CTDSPL2: variants seen among roughly 807,000 people sequenced by gnomAD.
CTDSPL2 encodes the protein CTD small phosphatase like 2.
A neutral mutation model predicts 60.0 loss-of-function variants in CTDSPL2; 5 were observed. The ratio of observed to expected loss-of-function variants is 0.08; its 90% CI spans 0.04 to 0.18. CTDSPL2 has a LOEUF of 0.18. Ranked by LOEUF, CTDSPL2 falls within the 10% of genes least tolerant of loss-of-function variation. The pLI is 1.00. For missense variants in CTDSPL2, 370 were observed against 548.8 expected, an observed-to-expected ratio of 0.67 and a Z score of 3.26; for synonymous variants, 186 against 189.3, an observed-to-expected ratio of 0.98 and a Z score of 0.14.
chr15:44,462,700 C>CTTTTTTTTTTTT lies in CTDSPL2; in HGVS notation c.186+3513_186+3524dup, dbSNP rs554319789. On this transcript the variant is annotated intron_variant, in intron 2 of 12. Coordinates refer to ENST00000260327, the MANE Select transcript of CTDSPL2 (RefSeq NM_016396.3). ...GACTCTTGAACTAGAACACTCAGGA[C>CTTTTTTTTTTTT]TTTTTTTTTTTTTTTTTTTTTTTTG... 2.5e-4 allele frequency among the ~76,000 whole-genome samples: 21 copies of CTTTTTTTTTTTT among 83,740 alleles called. 2 individuals are homozygous for CTTTTTTTTTTTT. The highest frequency in any genetic ancestry group is 9.7e-4 in the East Asian group (3 of 3,086). The allele number at this position is 83,740 out of a possible 152,430, so 54.9% of individuals were successfully genotyped here. A position where few individuals can be genotyped will look rare whatever the true frequency, so the allele number is the denominator to read the frequency against.
chr15:44,452,208 GT>G (rs2080346729), intron 1 of CTDSPL2, among the ~76,000 whole-genome samples: 1 of 152,000 alleles, frequency 6.6e-6, no homozygotes, highest in South Asian at 2.1e-4. Context: ...ATTAGAGGGC[GT>G]TTCATTTCTC....
intron 2 of CTDSPL2, among the ~76,000 whole-genome samples, chr15:44,478,466 A>G (rs964511765): frequency 1.3e-5 from 2 of 149,036 alleles, no homozygotes; most frequent in Non-Finnish European, 3.0e-5. Context: ...AAAAAAAAAA[A>G]AAAAAAAAAA....
At chr15:44,523,613 T>TTC (rs2081825585) in intron 12 of CTDSPL2, among the ~76,000 whole-genome samples, 2 of 152,120 alleles carry the variant, frequency 1.3e-5, no homozygotes. Flanking sequence ...CATTCATTCA[T>TTC]TCATTCGTTC....
intron 5 of CTDSPL2, among the ~76,000 whole-genome samples, chr15:44,494,030 A>G (rs1378783588): frequency 6.6e-6 from 1 of 152,190 alleles, no homozygotes; most frequent in Non-Finnish European, 1.5e-5. Flanking sequence ...TTTTGTCTTG[A>G]AAGACTATTA....
Position 44,525,930 on chromosome 15 carries a change from G to A in CTDSPL2, c.*1756G>A, listed in dbSNP as rs547395313. On this transcript the variant is annotated 3_prime_UTR_variant, in exon 13 of 13. Transcript: ENST00000260327. ...AGCATGTAGAGCAAGCCTGTTTTGT[G>A]GAAAATCCTTATTCATTAAAAAAAT... The A allele has an allele frequency of 1.3e-5, 2 of 152,694 alleles. No individual in the cohort carries two copies. The highest frequency in any genetic ancestry group is 2.9e-5 in the Non-Finnish European group (2 of 68,474). The allele number at this position is 152,694 out of a possible 1,614,324, so 9.5% of individuals were successfully genotyped here. A position where few individuals can be genotyped will look rare whatever the true frequency, so the allele number is the denominator to read the frequency against.
Position 44,459,000 on chromosome 15 carries a change from T to A in CTDSPL2, c.-15T>A. 1.3e-6 allele frequency: 2 copies of A among 1,514,030 alleles called. No homozygotes were observed. Among genetic ancestry groups the A allele is most frequent in the Non-Finnish European group, 1.8e-6 (2 of 1,133,272 alleles). 93.8% of individuals were successfully genotyped at this position (1,514,030 alleles called of 1,614,324 possible). On this transcript the variant is annotated 5_prime_UTR_variant, in exon 2 of 13. Transcript: ENST00000260327. The stretch of plus-strand genomic sequence containing the variant: ...TATTTTTCTCTTTTAGTTTTACATG[T>A]GGCACCCATAAAAGATGAGGCTGAG...
chr15:44,484,273 A>T lies in CTDSPL2; in HGVS notation c.236A>T (p.Asp79Val), dbSNP rs1434448995. The change falls in exon 3 of 13, where the codon GAT becomes GTT. Residue 79 changes from aspartate to valine, a missense_variant. This residue lies in a region of CTDSPL2 where 287 missense variants were observed against 296.1 expected (regional missense o/e 0.97). Coordinates refer to ENST00000260327, the MANE Select transcript of CTDSPL2 (RefSeq NM_016396.3). ...SKRSRIERDIDNNLITSTPRA... is the reference protein window; with the variant it reads ...SKRSRIERDIVNNLITSTPRA... ...CGGAGTAGAATTGAACGTGATATAGATAACAATTTGATCACGTCAACACCA... is the reference window on the plus strand; with the variant it reads ...CGGAGTAGAATTGAACGTGATATAGTTAACAATTTGATCACGTCAACACCA... 6.2e-7 allele frequency: 1 copy of T among 1,611,974 alleles called. No individual in the cohort carries two copies. The highest frequency in any genetic ancestry group is 1.3e-5 in the African/African-American group (1 of 74,880).
chr15:44,436,033 T>G (rs2079975692), intron 1 of CTDSPL2, among the ~76,000 whole-genome samples: 1 of 152,152 alleles, frequency 6.6e-6, no homozygotes, highest in African/African-American at 2.4e-5. Context: ...TAATGAAGGC[T>G]TATGGAAGTA....
At chr15:44,446,923 T>C (rs2141304219) in intron 1 of CTDSPL2, among the ~76,000 whole-genome samples, 1 of 151,890 alleles carries the variant, frequency 6.6e-6, no homozygotes, top group Non-Finnish European at 1.5e-5. Flanking sequence ...CCCAGCTAAT[T>C]TTTGTATTTT....
At position 44,494,808 on chromosome 15, in the gene CTDSPL2, C is replaced by T. The variant is rs914853526; in HGVS notation, c.692-1572C>T. On this transcript the variant is annotated intron_variant, in intron 5 of 12. Transcript: ENST00000260327. ...GCAGGTGCATATAATCCCAGCCACT[C>T]GGGAGGCTGAGGCAGGAGATTTGCT... Among the ~76,000 whole-genome samples the T allele has an allele frequency of 4.6e-5, 7 of 150,584 alleles. No individual in the cohort carries two copies. The East Asian group carries it at 1.2e-3, about 26-fold the overall frequency.
chr15:44,431,250 C>T (rs1396204610), intron 1 of CTDSPL2, among the ~76,000 whole-genome samples: 1 of 152,120 alleles, frequency 6.6e-6, no homozygotes, highest in Non-Finnish European at 1.5e-5. Context: ...GCATGAGCCA[C>T]TGCACCCGGC....
In CTDSPL2 at chr15:44,486,706, T is replaced by A. The variant is rs774950148; in HGVS notation, c.475+6T>A. 4 of 1,543,172 alleles carry A rather than the reference T, an allele frequency of 2.6e-6. No individual in the cohort carries two copies. In the East Asian group the frequency reaches 9.3e-5, roughly 36 times the overall value. On this transcript the variant is annotated splice_donor_region_variant and intron_variant, in intron 4 of 12. Transcript: ENST00000260327. ...TTCACCAGCAAATAAAAATGGTAAGTATAAACTGTTAACTGTGATTTGGAT... is the reference window on the plus strand; with the variant it reads ...TTCACCAGCAAATAAAAATGGTAAGAATAAACTGTTAACTGTGATTTGGAT...
rs1348003383 is a variant in CTDSPL2 at position 44,486,660 on chromosome 15, T to G, written c.435T>G (p.Phe145Leu). 6.3e-7 allele frequency: 1 copy of G among 1,591,628 alleles called. No homozygotes were observed. Among genetic ancestry groups the G allele is most frequent in the Non-Finnish European group, 8.5e-7 (1 of 1,172,396 alleles). ...PPRTTLLGTI[F>L]SPVFNFFSPA... The stretch of plus-strand genomic sequence containing the variant: ...GGACTACTTTGTTGGGGACCATATT[T>G]TCACCTGTCTTCAACTTTTTTTCAC... Residue 145 changes from phenylalanine to leucine, a missense_variant, in exon 4 of 13, where the codon TTT (phenylalanine) becomes TTG (leucine). Around this residue, in one of 6 missense-constraint regions of CTDSPL2, gnomAD observed 287 missense variants for 296.1 expected, o/e 0.97. Transcript: ENST00000260327.
chr15:44,435,981 C>T lies in CTDSPL2; in HGVS notation c.-25+8209C>T, dbSNP rs117278121. 2.4e-3 allele frequency among the ~76,000 whole-genome samples: 371 copies of T among 152,018 alleles called. 2 individuals carry two copies. Among genetic ancestry groups the T allele is most frequent in the South Asian group, 8.3e-3 (40 of 4,816 alleles). On this transcript the variant is annotated intron_variant, in intron 1 of 12. Transcript: ENST00000260327. ...TGTCTTGATTTTTTTTCTTAGGTGA[C>T]GGAGAAATCTGTTTTTTCCCCAAGT...
intron 1 of CTDSPL2, among the ~76,000 whole-genome samples, chr15:44,432,861 A>G (rs1185937711): frequency 4.6e-5 from 7 of 151,800 alleles, no homozygotes; most frequent in African/African-American, 1.7e-4. Context: ...CCTCAGGATG[A>G]TCCACCTGCC....
At chr15:44,475,014 C>T (rs1046539583) in intron 2 of CTDSPL2, among the ~76,000 whole-genome samples, 6 of 152,152 alleles carry the variant, frequency 3.9e-5, no homozygotes, top group Middle Eastern at 3.4e-3. Context: ...AATGGATTCA[C>T]CACTTTTGTT....
At chr15:44,451,177 G>C (rs1423408562) in intron 1 of CTDSPL2, among the ~76,000 whole-genome samples, 1 of 152,118 alleles carries the variant, frequency 6.6e-6, no homozygotes. Flanking sequence ...ATGGCTCACT[G>C]CAGCCTCAGC....
At chr15:44,459,302 T>A (rs2080513499) in intron 2 of CTDSPL2, 102 bp downstream of exon 2, 1 of 718,602 alleles carries the variant, frequency 1.4e-6, no homozygotes, top group Admixed American at 3.1e-5. Context: ...CCCAGGCAGG[T>A]GGATCACGAG....
At position 44,475,533 on chromosome 15, in the gene CTDSPL2, G is replaced by A. The variant is rs193026126; in HGVS notation, c.187-8691G>A. Among the ~76,000 whole-genome samples the A allele has an allele frequency of 2.1e-3, 321 of 152,056 alleles. 1 individual carries two copies. Among genetic ancestry groups the A allele is most frequent in the African/African-American group, 7.5e-3 (310 of 41,480 alleles). On this transcript the variant is annotated intron_variant, in intron 2 of 12. Coordinates refer to ENST00000260327, the MANE Select transcript of CTDSPL2 (RefSeq NM_016396.3). The stretch of plus-strand genomic sequence containing the variant: ...GGGCACCTGTAATCCCAGCTACTCG[G>A]GAGGCTGAGGCAGGAGAATCGCTTG...
Sources: allele counts gnomAD v4.1 joint callset (sites outside exome capture counted in the v4.1 genomes callset), GRCh38; gene constraint gnomAD v4.1.1; regional missense constraint gnomAD v4.1.1; transcripts MANE v1.5; gene names NCBI Gene and HGNC (gene_info 2026-07-23, HGNC 2026-07-21).